Variants in ERBIN observed in about 807,000 individuals in gnomAD.
ERBIN encodes erbb2 interacting protein, also known as densin-180-like protein.
ERBIN carries 60 observed loss-of-function variants against 158.4 expected under a neutral mutation model. The ratio of observed to expected loss-of-function variants is 0.38; its 90% CI spans 0.31 to 0.47. ERBIN has a LOEUF of 0.47. Ranked by LOEUF, ERBIN falls within the 20% of genes least tolerant of loss-of-function variation. The pLI is 0.99. For synonymous variants in ERBIN, 594 were observed against 557.2 expected, an observed-to-expected ratio of 1.07 and a Z score of -0.93; for missense variants, 1,610 against 1,648.0, an observed-to-expected ratio of 0.98 and a Z score of 0.40.
chr5:66,034,699 A>G (rs929829358), intron 14 of ERBIN, among the ~76,000 whole-genome samples: 2 of 151,884 alleles, frequency 1.3e-5, no homozygotes, highest in African/African-American at 4.8e-5. Context: ...TTGAAGTATT[A>G]TTAGTATCAG....
chr5:66,030,540 A>C lies in ERBIN; in HGVS notation c.1206+2197A>C, dbSNP rs544714843. Reference sequence around the variant, plus strand: ...CCTGGTCTCGAGGAACTCTTAGACTAATTCTATTAGTACAGTAGCACCTTT... The same window carrying C: ...CCTGGTCTCGAGGAACTCTTAGACTCATTCTATTAGTACAGTAGCACCTTT... On this transcript the variant is annotated intron_variant, in intron 14 of 25. Transcript: ENST00000284037. Among the ~76,000 whole-genome samples, 7 of 150,820 alleles carry C rather than the reference A, an allele frequency of 4.6e-5. No individual in the cohort carries two copies. The South Asian group carries it at 1.0e-3, about 23-fold the overall frequency.
chr5:65,953,683 AACCC>A (rs1236252709), intron 1 of ERBIN, among the ~76,000 whole-genome samples: 1 of 152,250 alleles, frequency 6.6e-6, no homozygotes, highest in Non-Finnish European at 1.5e-5. Context: ...AGTTCTACTT[AACCC>A]ACCCAAGTGA....
At chr5:65,934,700 A>G (rs1486699142) in intron 1 of ERBIN, among the ~76,000 whole-genome samples, 2 of 152,184 alleles carry the variant, frequency 1.3e-5, no homozygotes, top group Non-Finnish European at 2.9e-5. Context: ...TTTTTAAGGT[A>G]TTCATTCCCT....
At chr5:66,064,765 TG>T (rs1476632178) in intron 21 of ERBIN, among the ~76,000 whole-genome samples, 1 of 152,134 alleles carries the variant, frequency 6.6e-6, no homozygotes, top group African/African-American at 2.4e-5. Context: ...GAAAAACACT[TG>T]GGTTAAAATT....
intron 18 of ERBIN, among the ~76,000 whole-genome samples, chr5:66,048,184 A>T (rs1463282064): frequency 1.3e-5 from 2 of 152,002 alleles, no homozygotes. Flanking sequence ...TTAACATTTT[A>T]TGTTACTGAA....
rs1758438826 is a variant in ERBIN at position 66,046,335 on chromosome 5, ATCTTT to A, written c.1603-11_1603-7del. 12 of 1,405,524 alleles carry A rather than the reference ATCTTT, an allele frequency of 8.5e-6. No individual in the cohort carries two copies. Among genetic ancestry groups the A allele is most frequent in the Non-Finnish European group, 1.2e-5 (12 of 1,040,534 alleles). 87.1% of individuals were successfully genotyped at this position (1,405,524 alleles called of 1,614,324 possible). A position where few individuals can be genotyped will look rare whatever the true frequency, so the allele number is the denominator to read the frequency against. Reference sequence around the variant, plus strand: ...AAAACTTAAAGAATATGAGCTCTTTATCTTTTCTTTTACTTAGACCTCAGAAAGTA... The same window carrying A: ...AAAACTTAAAGAATATGAGCTCTTTATCTTTTACTTAGACCTCAGAAAGTA... On this transcript the variant is annotated splice_polypyrimidine_tract_variant and intron_variant, in intron 17 of 25. Coordinates refer to ENST00000284037, the MANE Select transcript of ERBIN (RefSeq NM_001253697.2).
At chr5:65,965,883 A>G (rs754362443) in intron 1 of ERBIN, among the ~76,000 whole-genome samples, 1 of 152,198 alleles carries the variant, frequency 6.6e-6, no homozygotes, top group African/African-American at 2.4e-5. Flanking sequence ...GACATCTTGT[A>G]TATATTTAGT....
At chr5:65,970,991 A>G (rs1233302100) in intron 1 of ERBIN, among the ~76,000 whole-genome samples, 3 of 152,172 alleles carry the variant, frequency 2.0e-5, no homozygotes, top group African/African-American at 4.8e-5. Context: ...TCTTTCTGAC[A>G]TATTTGTCAT....
Position 66,012,188 on chromosome 5 carries a change from ATAT to A in ERBIN, c.386+66_386+68del, listed in dbSNP as rs1340796232. 4 of 1,108,022 alleles carry A rather than the reference ATAT, an allele frequency of 3.6e-6. No individual in the cohort carries two copies. In the African/African-American group the frequency reaches 6.4e-5, roughly 18 times the overall value. The allele number at this position is 1,108,022 out of a possible 1,614,324, so 68.6% of individuals were successfully genotyped here. A position where few individuals can be genotyped will look rare whatever the true frequency, so the allele number is the denominator to read the frequency against. ...AATAAAACAATTATGAAACTAGTAG[ATAT>A]TATTGTACATATTTTAACAAAAATT... On this transcript the variant is annotated intron_variant, in intron 5 of 25. Transcript: ENST00000284037.
At chr5:65,937,424 A>G (rs943540865) in intron 1 of ERBIN, among the ~76,000 whole-genome samples, 1 of 152,228 alleles carries the variant, frequency 6.6e-6, no homozygotes, top group African/African-American at 2.4e-5. Flanking sequence ...GCCTTTATCA[A>G]TAGTAAATCC....
intron 1 of ERBIN, among the ~76,000 whole-genome samples, chr5:65,973,644 T>G (rs999889713): frequency 1.7e-4 from 25 of 151,240 alleles, no homozygotes; most frequent in Non-Finnish European, 2.9e-5. Flanking sequence ...ATAGTCACTT[T>G]CATTTAAAAT....
intron 1 of ERBIN, among the ~76,000 whole-genome samples, chr5:65,986,098 C>G (rs935383601): frequency 6.6e-6 from 1 of 152,070 alleles, no homozygotes; most frequent in African/African-American, 2.4e-5. Flanking sequence ...TGCCCTCCTG[C>G]CCTTGATGAT....
At chr5:66,038,673 A>G (rs1580430972) in intron 15 of ERBIN, among the ~76,000 whole-genome samples, 191 bp downstream of exon 15, 1 of 152,088 alleles carries the variant, frequency 6.6e-6, no homozygotes, top group Non-Finnish European at 1.5e-5. Context: ...TAAGTGTAGC[A>G]TATGCTTCCT....
intron 22 of ERBIN, among the ~76,000 whole-genome samples, chr5:66,072,647 G>A (rs1208016033): frequency 6.6e-6 from 1 of 152,012 alleles, no homozygotes; most frequent in East Asian, 1.9e-4. Context: ...CTTCATTCTA[G>A]GATCTTTTAC....
intron 1 of ERBIN, among the ~76,000 whole-genome samples, chr5:65,988,272 C>G (rs889723851): frequency 2.1e-4 from 32 of 151,872 alleles, no homozygotes; most frequent in African/African-American, 7.7e-4. Context: ...TCTCAGGAGG[C>G]TGAGGTGGGA....
chr5:66,025,177 C>T (rs1756103336), intron 10 of ERBIN: 2 of 321,662 alleles, frequency 6.2e-6, no homozygotes, highest in South Asian at 3.7e-5. Flanking sequence ...TGTGCCATGA[C>T]ATTGTTTTTA....
At position 66,044,290 on chromosome 5, in the gene ERBIN, A is replaced by T; in HGVS notation, c.1582A>T (p.Asn528Tyr). The T allele has an allele frequency of 6.3e-7, 1 of 1,596,920 alleles. No homozygotes were observed. The highest frequency in any genetic ancestry group is 8.5e-7 in the Non-Finnish European group (1 of 1,175,490). ...ACCACATGAAGATCAACAAGATATA[A>T]ATAAAGATGTGGGTGTGAAGGTTAG... ...LKPHEDQQDI[N>Y]KDVGVKTSES... is the part of the protein sequence containing the mutation. The change falls in exon 17 of 26, where the codon AAT becomes TAT. Residue 528 changes from asparagine to tyrosine, a missense_variant. Physicochemically the swap from Asn to Tyr is moderately radical, Grantham distance 143. Transcript: ENST00000284037.
At chr5:65,940,253 G>T (rs1382640811) in intron 1 of ERBIN, among the ~76,000 whole-genome samples, 1,036 of 132,796 alleles carry the variant, frequency 7.8e-3, no homozygotes, top group South Asian at 0.014. Context: ...CGTCTGGGAG[G>T]TGAGGAGCGT....
intron 8 of ERBIN, among the ~76,000 whole-genome samples, chr5:66,021,947 A>G (rs868865372): frequency 6.6e-6 from 1 of 152,068 alleles, no homozygotes; most frequent in African/African-American, 2.4e-5. Context: ...GAGTTTTCCA[A>G]AAGAACTCAG....
Sources: allele counts gnomAD v4.1 joint callset (sites outside exome capture counted in the v4.1 genomes callset), GRCh38; gene constraint gnomAD v4.1.1; transcripts MANE v1.5; gene names NCBI Gene and HGNC (gene_info 2026-07-23, HGNC 2026-07-21).